The following HYAL4 variants were observed in gnomAD, a reference collection of about 807,000 sequenced individuals.
HYAL4 encodes the protein hyaluronidase-4.
HYAL4 carries 37 observed loss-of-function variants against 35.2 expected under a neutral mutation model. That is an observed-to-expected ratio of 1.05 (90% CI 0.81 to 1.38). The LOEUF (loss-of-function observed/expected upper bound fraction) is 1.38. Among genes scored for constraint, HYAL4 ranks in the 40% most tolerant of loss-of-function variants. The probability of loss-of-function intolerance (pLI) is 0.00; values close to 1 mark genes in which losing one functional copy is unlikely to be tolerated. For missense variants in HYAL4, 572 were observed against 572.4 expected, an observed-to-expected ratio of 1.00 and a Z score of 0.01; for synonymous variants, 198 against 203.2, an observed-to-expected ratio of 0.97 and a Z score of 0.22.
the HYAL4 span, among the ~76,000 whole-genome samples, chr7:123,788,136 A>G: frequency 2.0e-5 from 3 of 152,194 alleles, no homozygotes; most frequent in East Asian, 1.9e-4. Flanking sequence ...TGGGCAACAC[A>G]GTGAGACCTC....
the HYAL4 span, among the ~76,000 whole-genome samples, chr7:123,786,638 G>A: frequency 6.6e-6 from 1 of 151,980 alleles, no homozygotes; most frequent in East Asian, 1.9e-4. Context: ...AGTAAATGGG[G>A]TAGTTGCTTT....
At chr7:123,783,994 A>G in the HYAL4 span, among the ~76,000 whole-genome samples, 8 of 151,040 alleles carry the variant, frequency 5.3e-5, no homozygotes, top group African/African-American at 1.7e-4. Context: ...TTACTATTTT[A>G]GCAAGAACTT....
the HYAL4 span, among the ~76,000 whole-genome samples, chr7:123,803,810 A>G: frequency 1.3e-5 from 2 of 152,140 alleles, no homozygotes; most frequent in Admixed American, 6.5e-5. Context: ...CTTCTTCTGC[A>G]TCTTTCCTCT....
At chr7:123,781,720 T>C in the HYAL4 span, among the ~76,000 whole-genome samples, 1 of 152,202 alleles carries the variant, frequency 6.6e-6, no homozygotes, top group South Asian at 2.1e-4. Flanking sequence ...AATATTTTTA[T>C]ATTGCATGTA....
At chr7:123,871,885 G>A (rs570396983) in intron 3 of HYAL4, among the ~76,000 whole-genome samples, 5 of 152,194 alleles carry the variant, frequency 3.3e-5, no homozygotes, top group African/African-American at 4.8e-5. Flanking sequence ...TAGCTATAGC[G>A]TGGGGATATA....
intron 1 of HYAL4, among the ~76,000 whole-genome samples, chr7:123,847,079 G>C (rs1806189642): frequency 6.6e-6 from 1 of 152,184 alleles, no homozygotes; most frequent in Non-Finnish European, 1.5e-5. Context: ...CAGTAGTTCT[G>C]GAGCAAAAGT....
the HYAL4 span, among the ~76,000 whole-genome samples, chr7:123,817,042 G>T: frequency 2.0e-5 from 3 of 152,126 alleles, no homozygotes; most frequent in South Asian, 6.2e-4. Flanking sequence ...TATAACGCAG[G>T]AAAGCTTACA....
chr7:123,868,983 G>A lies in HYAL4; in HGVS notation c.710G>A (p.Cys237Tyr), dbSNP rs761525218. ...TATGCCCCAAACTACTCTGGGTCAT[G>A]CCCAGAAGACGAAGTCTTGAGGAAC... ...NVYAPNYSGS[C>Y]PEDEVLRNNE... The change falls in exon 3 of 5, where the codon TGC becomes TAC. Residue 237 changes from cysteine to tyrosine, a missense_variant. Coordinates refer to ENST00000223026, the MANE Select transcript of HYAL4 (RefSeq NM_012269.3). 2 of 1,613,810 alleles carry A rather than the reference G, an allele frequency of 1.2e-6. No homozygotes were observed. The highest frequency in any genetic ancestry group is 8.5e-7 in the Non-Finnish European group (1 of 1,179,798).
upstream of HYAL4, among the ~76,000 whole-genome samples, chr7:123,843,599 C>T (rs1383638000): frequency 6.6e-6 from 1 of 152,018 alleles, no homozygotes; most frequent in Non-Finnish European, 1.5e-5. Flanking sequence ...TGTTTTCCAA[C>T]TTGGTTCCAT....
intron 3 of HYAL4, among the ~76,000 whole-genome samples, chr7:123,874,508 AT>A (rs1339161946): frequency 1.3e-5 from 2 of 151,882 alleles, no homozygotes; most frequent in East Asian, 3.9e-4. Flanking sequence ...GGTTCAAATG[AT>A]TCTCCTGTCT....
chr7:123,850,086 A>T lies in HYAL4; in HGVS notation c.-52+1928A>T, dbSNP rs540442045. ...AATAAGTGTGACACATGTTAGAATCATTGTTACTTGAGATACTTATTGTAC... is the reference window on the plus strand; with the variant it reads ...AATAAGTGTGACACATGTTAGAATCTTTGTTACTTGAGATACTTATTGTAC... On this transcript the variant is annotated intron_variant, in intron 2 of 4. Coordinates refer to ENST00000223026, the MANE Select transcript of HYAL4 (RefSeq NM_012269.3). 1.2e-3 allele frequency among the ~76,000 whole-genome samples: 175 copies of T among 151,666 alleles called. 5 individuals carry two copies. Among genetic ancestry groups the T allele is most frequent in the Admixed American group, 0.011 (172 of 15,224 alleles).
At chr7:123,796,254 A>T in the HYAL4 span, among the ~76,000 whole-genome samples, 1 of 152,198 alleles carries the variant, frequency 6.6e-6, no homozygotes, top group African/African-American at 2.4e-5. Flanking sequence ...TCATAGGAAG[A>T]GTCATCCAGA....
intron 2 of HYAL4, among the ~76,000 whole-genome samples, chr7:123,859,218 A>G (rs1339117470): frequency 2.0e-5 from 3 of 152,214 alleles, no homozygotes; most frequent in African/African-American, 7.2e-5. Flanking sequence ...AAGATAAAAA[A>G]GAAAGAACAA....
In HYAL4 at chr7:123,868,536, C is replaced by T. The variant is rs547498516; in HGVS notation, c.263C>T (p.Thr88Ile). The T allele has an allele frequency of 5.0e-6, 8 of 1,610,520 alleles. No homozygotes were observed. The highest frequency in any genetic ancestry group is 6.8e-6 in the Non-Finnish European group (8 of 1,179,274). Reference sequence around the variant, plus strand: ...GCCAAGGCCAGGGGGCAAAATGTCACTATATTTTATGTCAACAGATTGGGA... The same window carrying T: ...GCCAAGGCCAGGGGGCAAAATGTCATTATATTTTATGTCAACAGATTGGGA... Reference protein sequence around the residue: ...PLAKARGQNVTIFYVNRLGYY... With the variant: ...PLAKARGQNVIIFYVNRLGYY... Residue 88 changes from threonine (T) to isoleucine (I), a missense_variant, in exon 3 of 5, where the codon ACT (threonine) becomes ATT (isoleucine). By Grantham distance (89) the Thr-to-Ile change is moderately conservative (BLOSUM62 -1). Coordinates refer to ENST00000223026, the MANE Select transcript of HYAL4 (RefSeq NM_012269.3).
At chr7:123,790,738 C>CTT in the HYAL4 span, 5 of 151,906 alleles carry the variant, frequency 3.3e-5, no homozygotes, top group Non-Finnish European at 7.4e-5. Flanking sequence ...TATGGCCAAC[C>CTT]ATATTATGTA....
intron 2 of HYAL4, among the ~76,000 whole-genome samples, chr7:123,858,470 G>A (rs1424430116): frequency 6.6e-6 from 1 of 152,068 alleles, no homozygotes. Flanking sequence ...GACGTCCATT[G>A]AGCCATATGG....
At chr7:123,782,660 A>G in the HYAL4 span, among the ~76,000 whole-genome samples, 1 of 152,126 alleles carries the variant, frequency 6.6e-6, no homozygotes, top group African/African-American at 2.4e-5. Context: ...ATGGACAGTA[A>G]GTTTCATGGT....
chr7:123,868,886 T>C lies in HYAL4; in HGVS notation c.613T>C (p.Leu205=), dbSNP rs1806784518. 3 of 1,614,058 alleles carry C rather than the reference T, an allele frequency of 1.9e-6. No individual in the cohort carries two copies. Among genetic ancestry groups the C allele is most frequent in the Admixed American group, 1.7e-5 (1 of 59,996 alleles). ...AKAFMKETIK[L]GIKSRPKGLW... Reference sequence around the variant, plus strand: ...AGCTTTCATGAAGGAAACCATCAAATTGGGAATTAAGAGCCGACCCAAAGG... The same window carrying C: ...AGCTTTCATGAAGGAAACCATCAAACTGGGAATTAAGAGCCGACCCAAAGG... Residue 205 remains leucine (L), a synonymous_variant, in exon 3 of 5, where the codon TTG becomes CTG. Transcript: ENST00000223026.
chr7:123,791,392 T>C, the HYAL4 span, among the ~76,000 whole-genome samples: 1 of 152,236 alleles, frequency 6.6e-6, no homozygotes, highest in Non-Finnish European at 1.5e-5. Context: ...TGTAAAGTTA[T>C]GAATAGCTTC....
Sources: allele counts gnomAD v4.1 joint callset (sites outside exome capture counted in the v4.1 genomes callset), GRCh38; gene constraint gnomAD v4.1.1; transcripts MANE v1.5; gene names NCBI Gene and HGNC (gene_info 2026-07-23, HGNC 2026-07-21).